TANC2: variants seen among roughly 807,000 people sequenced by gnomAD.
The protein encoded by TANC2 is protein TANC2.
In TANC2, 26 loss-of-function variants were observed where a neutral mutation model predicts 210.5. That is an observed-to-expected ratio of 0.12 (90% CI 0.09 to 0.17). The LOEUF is 0.17. Among genes scored for constraint, TANC2 ranks in the 10% least tolerant of loss-of-function variants. The pLI is 1.00. For missense variants in TANC2, 2,129 were observed against 2,608.9 expected (o/e 0.82, Z 4.01); for synonymous variants, 931 against 967.1 (o/e 0.96, Z 0.69).
At chr17:63,193,184 G>C (rs1415651435) in intron 5 of TANC2, among the ~76,000 whole-genome samples, 1 of 152,090 alleles carries the variant, frequency 6.6e-6, no homozygotes. Flanking sequence ...TAACCCTACT[G>C]ATTCTCTTAT....
At chr17:63,303,996 A>G (rs1413276475) in intron 9 of TANC2, among the ~76,000 whole-genome samples, 1 of 151,974 alleles carries the variant, frequency 6.6e-6, no homozygotes, top group Non-Finnish European at 1.5e-5. Context: ...TATAACCTTT[A>G]TCAAGGTTCT....
intron 3 of TANC2, among the ~76,000 whole-genome samples, chr17:63,094,330 GAAT>G (rs1415842476): frequency 1.3e-5 from 2 of 151,974 alleles, no homozygotes; most frequent in Non-Finnish European, 2.9e-5. Context: ...AAGACATTTG[GAAT>G]AATTTAGGCA....
At chr17:63,063,100 G>A (rs2036054403) in intron 2 of TANC2, among the ~76,000 whole-genome samples, 1 of 152,160 alleles carries the variant, frequency 6.6e-6, no homozygotes, top group Non-Finnish European at 1.5e-5. Flanking sequence ...TAGAACTCAG[G>A]GAAACACTTT....
chr17:62,975,555 A>T (rs113408805), intron 1 of TANC2, among the ~76,000 whole-genome samples: 18 of 140,768 alleles, frequency 1.3e-4, no homozygotes, highest in Non-Finnish European at 2.2e-4. Context: ...TTTTTTTTTA[A>T]TTTTTTTTTT....
intron 14 of TANC2, among the ~76,000 whole-genome samples, chr17:63,362,767 G>A (rs967842352): frequency 1.3e-5 from 2 of 152,204 alleles, no homozygotes; most frequent in Non-Finnish European, 2.9e-5. Flanking sequence ...AGTAGAGCTG[G>A]CACTTCTGAG....
chr17:63,236,771 T>C (rs1049744027), intron 7 of TANC2, among the ~76,000 whole-genome samples: 2 of 152,156 alleles, frequency 1.3e-5, no homozygotes, highest in Non-Finnish European at 2.9e-5. Flanking sequence ...TTTCTGCGTC[T>C]AACTTGTTTT....
rs1267857018 is a variant in TANC2 at position 63,193,973 on chromosome 17, A to G, written c.434-18A>G. The G allele has an allele frequency of 3.7e-6, 6 of 1,606,458 alleles. No individual in the cohort carries two copies. The highest frequency in any genetic ancestry group is 5.1e-6 in the Non-Finnish European group (6 of 1,176,370). On this transcript the variant is annotated intron_variant, in intron 5 of 27. Coordinates refer to ENST00000689528, the Ensembl canonical transcript of TANC2. ...TTATTTTGAAAGATTCATGTTCTTCAATGCCTTCTTGTTACAGGTGATGCT... is the reference window on the plus strand; with the variant it reads ...TTATTTTGAAAGATTCATGTTCTTCGATGCCTTCTTGTTACAGGTGATGCT...
chr17:63,242,525 C>T (rs912505836), intron 8 of TANC2, among the ~76,000 whole-genome samples: 10 of 152,102 alleles, frequency 6.6e-5, no homozygotes, highest in South Asian at 4.1e-4. Context: ...TTGCAGATTG[C>T]GGTATCCTAT....
chr17:63,078,002 A>G (rs1488415742), intron 3 of TANC2, among the ~76,000 whole-genome samples: 1 of 152,168 alleles, frequency 6.6e-6, no homozygotes, highest in Non-Finnish European at 1.5e-5. Context: ...TTTTAATATC[A>G]GAATAATGCT....
intron 3 of TANC2, among the ~76,000 whole-genome samples, chr17:63,085,544 T>A (rs1041612987): frequency 6.6e-6 from 1 of 152,154 alleles, no homozygotes; most frequent in Non-Finnish European, 1.5e-5. Flanking sequence ...AAGTTCACTT[T>A]CAAATAATAC....
chr17:63,324,291 G>A (rs2045579621), intron 11 of TANC2, among the ~76,000 whole-genome samples: 1 of 152,092 alleles, frequency 6.6e-6, no homozygotes, highest in Non-Finnish European at 1.5e-5. Context: ...GGAAATCTAT[G>A]TAAGAAAAAA....
intron 8 of TANC2, among the ~76,000 whole-genome samples, chr17:63,265,759 A>C (rs2043506341): frequency 6.6e-6 from 1 of 151,790 alleles, no homozygotes; most frequent in Admixed American, 6.6e-5. Flanking sequence ...AAGCCCATGC[A>C]TTTCTCTTAA....
At position 62,995,169 on chromosome 17, in the gene TANC2, T is replaced by C. The variant is rs1271618069; in HGVS notation, c.-23-14368T>C. The stretch of plus-strand genomic sequence containing the variant: ...ATGCATTGTAGAATAATAAAGCCGT[T>C]CTTTTCAAGACCTTTTATAAATCCT... On this transcript the variant is annotated intron_variant, in intron 1 of 27. Coordinates refer to ENST00000689528, the Ensembl canonical transcript of TANC2. Among the ~76,000 whole-genome samples, 6 of 152,372 alleles carry C rather than the reference T, an allele frequency of 3.9e-5. 1 individual carries two copies. Among genetic ancestry groups the C allele is most frequent in the Admixed American group, 3.9e-4 (6 of 15,302 alleles).
chr17:63,057,762 C>T (rs2035856295), intron 2 of TANC2, among the ~76,000 whole-genome samples: 1 of 152,170 alleles, frequency 6.6e-6, no homozygotes, highest in African/African-American at 2.4e-5. Flanking sequence ...AGGACATAAT[C>T]TTGTTCTTTT....
intron 19 of TANC2, among the ~76,000 whole-genome samples, chr17:63,400,724 AC>A (rs1178746768): frequency 1.3e-5 from 2 of 151,886 alleles, no homozygotes; most frequent in African/African-American, 4.8e-5. Context: ...GCTCACTGCA[AC>A]CTCTGCCTCC....
chr17:63,318,903 T>C (rs370261949), intron 10 of TANC2, 54 bp from the exon 11 acceptor site: 54 of 1,601,246 alleles, frequency 3.4e-5, no homozygotes, highest in African/African-American at 3.3e-4. Flanking sequence ...TAGCCATTTT[T>C]CCTTAAAGTT....
At chr17:63,368,573 C>T (rs1334445483) in intron 14 of TANC2, among the ~76,000 whole-genome samples, 1 of 152,118 alleles carries the variant, frequency 6.6e-6, no homozygotes. Flanking sequence ...ATTAGAGAAA[C>T]AAAAGGAAGT....
rs559840286 is a variant in TANC2, at chr17:63,359,044, TATG to T, written c.2582+3655_2582+3657del. 5.4e-3 allele frequency among the ~76,000 whole-genome samples: 815 copies of T among 151,752 alleles called. 11 individuals carry two copies. The highest frequency in any genetic ancestry group is 0.019 in the African/African-American group (783 of 41,268). ...AGAGATTAAAAGACTACTGCGTTATTATGTGTGTATTTTTGTGGGGTTTGTTTT... is the reference window on the plus strand; with the variant it reads ...AGAGATTAAAAGACTACTGCGTTATTTGTGTATTTTTGTGGGGTTTGTTTT... On this transcript the variant is annotated intron_variant, in intron 14 of 27. Transcript: ENST00000689528.
intron 9 of TANC2, among the ~76,000 whole-genome samples, chr17:63,308,208 A>G (rs1429223476): frequency 6.6e-6 from 1 of 152,164 alleles, no homozygotes. Flanking sequence ...CTTATATTTT[A>G]ATTTTGGTGC....
Sources: gnomAD v4.1 joint callset for allele counts (sites outside exome capture counted in the v4.1 genomes callset) on GRCh38, gnomAD v4.1.1 for gene constraint, MANE v1.5 for transcripts, NCBI Gene and HGNC (gene_info 2026-07-23, HGNC 2026-07-21) for gene names.